The following ANKRD6 variants were observed in gnomAD, a reference collection of about 807,000 sequenced individuals.
The protein encoded by ANKRD6 is ankyrin repeat domain-containing protein 6.
A neutral mutation model predicts 82.3 loss-of-function variants in ANKRD6; 56 were observed. That is an observed-to-expected ratio of 0.68 (90% CI 0.55 to 0.85). The LOEUF (loss-of-function observed/expected upper bound fraction) is 0.85. ANKRD6 is among the 40% of genes least tolerant of loss of function. The probability of loss-of-function intolerance (pLI) is 0.00; values close to 1 mark genes in which losing one functional copy is unlikely to be tolerated. For missense variants in ANKRD6, 852 were observed against 907.6 expected (o/e 0.94, Z 0.79); for synonymous variants, 347 against 352.1 (o/e 0.99, Z 0.16).
At chr6:89,549,228 A>G (rs1435037045) in intron 1 of ANKRD6, among the ~76,000 whole-genome samples, 2 of 152,158 alleles carry the variant, frequency 1.3e-5, no homozygotes, top group Non-Finnish European at 2.9e-5. Context: ...GAAAAAAGGA[A>G]AAAGTTTAAT....
At chr6:89,603,822 C>T (rs548572539) in intron 4 of ANKRD6, among the ~76,000 whole-genome samples, 1 of 152,132 alleles carries the variant, frequency 6.6e-6, no homozygotes, top group Non-Finnish European at 1.5e-5. Flanking sequence ...ACTGTCTCCA[C>T]AAAAAATTTG....
At chr6:89,571,289 C>T (rs1448212796) in intron 2 of ANKRD6, among the ~76,000 whole-genome samples, 1 of 152,214 alleles carries the variant, frequency 6.6e-6, no homozygotes, top group Non-Finnish European at 1.5e-5. Flanking sequence ...CTCCTGACCT[C>T]GTGATCCGCT....
chr6:89,591,133 T>C (rs1794816387), intron 2 of ANKRD6, among the ~76,000 whole-genome samples: 1 of 152,194 alleles, frequency 6.6e-6, no homozygotes, highest in African/African-American at 2.4e-5. Context: ...GGAGAAGGTC[T>C]TATTCTGTTG....
At chr6:89,445,691 G>A (rs904679470) in intron 1 of ANKRD6, among the ~76,000 whole-genome samples, 5 of 152,002 alleles carry the variant, frequency 3.3e-5, no homozygotes, top group East Asian at 1.9e-4. Flanking sequence ...TGATCTGCCC[G>A]CCTCGGCCTC....
Position 89,618,003 on chromosome 6 carries a change from T to C in ANKRD6, c.764T>C (p.Val255Ala). The C allele has an allele frequency of 6.2e-7, 1 of 1,614,036 alleles. No homozygotes were observed. Among genetic ancestry groups the C allele is most frequent in the African/African-American group, 1.3e-5 (1 of 75,042 alleles). Residue 255 changes from valine (V) to alanine (A), a missense_variant, in exon 9 of 16, where the codon GTT becomes GCT. Transcript: ENST00000339746. ...ETARYHNNPE[V>A]ALLLTKAPQV... The stretch of plus-strand genomic sequence containing the variant: ...GCCCGCTACCACAATAACCCGGAAG[T>C]TGCTCTTCTCCTTACTAAAGCTCCC...
At chr6:89,504,211 G>A (rs1000087772) in intron 1 of ANKRD6, among the ~76,000 whole-genome samples, 3 of 151,962 alleles carry the variant, frequency 2.0e-5, no homozygotes, top group African/African-American at 7.3e-5. Flanking sequence ...GAGAGGTGAT[G>A]GAGGCCTGCA....
chr6:89,462,096 G>A (rs1363499367), intron 1 of ANKRD6, among the ~76,000 whole-genome samples: 1 of 151,882 alleles, frequency 6.6e-6, no homozygotes, highest in African/African-American at 2.4e-5. Context: ...GCCAGACATA[G>A]TGGTGCATGC....
chr6:89,559,245 T>A (rs1032979764), intron 1 of ANKRD6, among the ~76,000 whole-genome samples: 1 of 152,216 alleles, frequency 6.6e-6, no homozygotes, highest in African/African-American at 2.4e-5. Context: ...TGCCTTTCTT[T>A]GCTACTCATG....
chr6:89,541,251 A>G (rs1480060893), intron 1 of ANKRD6, among the ~76,000 whole-genome samples: 2 of 152,040 alleles, frequency 1.3e-5, no homozygotes, highest in African/African-American at 2.4e-5. Flanking sequence ...ATTTCTTCCA[A>G]TCTGTGAACA....
At chr6:89,526,951 C>T (rs1335137702) in intron 1 of ANKRD6, among the ~76,000 whole-genome samples, 2 of 152,216 alleles carry the variant, frequency 1.3e-5, no homozygotes, top group African/African-American at 4.8e-5. Flanking sequence ...GGATGATGCT[C>T]ACCTACATTG....
intron 1 of ANKRD6, among the ~76,000 whole-genome samples, chr6:89,481,815 C>CTGGTACTGG (rs1183732961): frequency 6.6e-6 from 1 of 152,096 alleles, no homozygotes; most frequent in Non-Finnish European, 1.5e-5. Context: ...ACTGATAGCA[C>CTGGTACTGG]TGGTACTGGT....
chr6:89,530,667 G>A (rs1783036640), intron 1 of ANKRD6, among the ~76,000 whole-genome samples: 1 of 152,226 alleles, frequency 6.6e-6, no homozygotes, highest in Non-Finnish European at 1.5e-5. Context: ...TTATCTTGGG[G>A]CCAGTCAGGG....
At chr6:89,463,057 A>G (rs1279858312) in intron 1 of ANKRD6, among the ~76,000 whole-genome samples, 1 of 151,814 alleles carries the variant, frequency 6.6e-6, no homozygotes, top group Non-Finnish European at 1.5e-5. Context: ...GTGAAAACAA[A>G]AAATCCTACT....
At chr6:89,476,854 A>G (rs2127798415) in intron 1 of ANKRD6, among the ~76,000 whole-genome samples, 1 of 152,346 alleles carries the variant, frequency 6.6e-6, no homozygotes, top group East Asian at 1.9e-4. Context: ...ATAGTCTGCA[A>G]CCATGCTATT....
chr6:89,566,436 G>A (rs1393987868), intron 1 of ANKRD6, among the ~76,000 whole-genome samples: 1 of 152,226 alleles, frequency 6.6e-6, no homozygotes, highest in African/African-American at 2.4e-5. Context: ...AGCCATGGTG[G>A]ACGCACAAAA....
chr6:89,532,728 A>G (rs1295493545), intron 1 of ANKRD6, among the ~76,000 whole-genome samples: 7 of 151,564 alleles, frequency 4.6e-5, no homozygotes, highest in Admixed American at 1.3e-4. Flanking sequence ...TTGAGATGAG[A>G]TCTCACTCTG....
intron 2 of ANKRD6, among the ~76,000 whole-genome samples, chr6:89,576,067 T>C (rs2128102638): frequency 6.6e-6 from 1 of 152,308 alleles, no homozygotes; most frequent in Admixed American, 6.5e-5. Flanking sequence ...CTTTTTTTTT[T>C]TTGAGACGGA....
chr6:89,515,342 C>T (rs1479798224), intron 1 of ANKRD6, among the ~76,000 whole-genome samples: 3 of 152,202 alleles, frequency 2.0e-5, no homozygotes, highest in South Asian at 2.1e-4. Context: ...AAAACATGTC[C>T]TCAAACATTT....
intron 1 of ANKRD6, among the ~76,000 whole-genome samples, chr6:89,557,654 C>T (rs963824780): frequency 2.3e-4 from 35 of 152,116 alleles, no homozygotes; most frequent in African/African-American, 5.3e-4. Flanking sequence ...AGTACTTGTC[C>T]GTGGCCTGTT....
Sources: allele counts gnomAD v4.1 joint callset (sites outside exome capture counted in the v4.1 genomes callset), GRCh38; gene constraint gnomAD v4.1.1; transcripts MANE v1.5; gene names NCBI Gene and HGNC (gene_info 2026-07-23, HGNC 2026-07-21).